The following SAMD4A variants were observed in gnomAD, a reference collection of about 807,000 sequenced individuals.
SAMD4A encodes the protein protein Smaug homolog 1.
A neutral mutation model predicts 81.3 loss-of-function variants in SAMD4A; 33 were observed. The ratio of observed to expected loss-of-function variants is 0.41; its 90% CI spans 0.31 to 0.54. SAMD4A has a LOEUF of 0.54. Ranked by LOEUF, SAMD4A falls within the 20% of genes least tolerant of loss-of-function variation. The probability of loss-of-function intolerance (pLI) is 0.37; values close to 1 mark genes in which losing one functional copy is unlikely to be tolerated. For missense variants in SAMD4A, 854 were observed against 951.1 expected, an observed-to-expected ratio of 0.90 and a Z score of 1.34; for synonymous variants, 389 against 382.1, an observed-to-expected ratio of 1.02 and a Z score of -0.21.
intron 11 of SAMD4A, among the ~76,000 whole-genome samples, chr14:54,778,227 C>A (rs1298500240): frequency 6.6e-6 from 1 of 152,166 alleles, no homozygotes; most frequent in Non-Finnish European, 1.5e-5. Flanking sequence ...CTGAATCTTC[C>A]CTGAGCTTTC....
At chr14:54,603,755 T>TA (rs201248388) in intron 2 of SAMD4A, among the ~76,000 whole-genome samples, 18,618 of 145,176 alleles carry the variant, frequency 0.13, 1,443 homozygotes, top group African/African-American at 0.22. Context: ...GCCTTTTCTT[T>TA]AAAAAAAAAA....
intron 4 of SAMD4A, among the ~76,000 whole-genome samples, chr14:54,744,016 C>T (rs2037907333): frequency 6.6e-6 from 1 of 152,204 alleles, no homozygotes; most frequent in African/African-American, 2.4e-5. Flanking sequence ...TTCTCCCCCT[C>T]AGAGATCAAG....
intron 2 of SAMD4A, among the ~76,000 whole-genome samples, chr14:54,644,026 G>A (rs911731015): frequency 6.6e-6 from 1 of 152,194 alleles, no homozygotes; most frequent in Admixed American, 6.5e-5. Context: ...AGCAGTCAAA[G>A]GTCATTTGGG....
intron 2 of SAMD4A, among the ~76,000 whole-genome samples, chr14:54,582,100 A>G (rs2033484961): frequency 6.6e-6 from 1 of 152,186 alleles, no homozygotes; most frequent in Non-Finnish European, 1.5e-5. Flanking sequence ...AAATATTGAA[A>G]TTCTGAGCTA....
At chr14:54,738,499 G>A (rs2037756173) in intron 4 of SAMD4A, among the ~76,000 whole-genome samples, 1 of 152,178 alleles carries the variant, frequency 6.6e-6, no homozygotes, top group Non-Finnish European at 1.5e-5. Flanking sequence ...CCAGAGTGAG[G>A]GGATGTGTCT....
Position 54,760,060 on chromosome 14 carries a change from C to T in SAMD4A, c.1177-101C>T, listed in dbSNP as rs569104768. On this transcript the variant is annotated intron_variant, in intron 6 of 12. Transcript: ENST00000554335. ...AACGTCCTGATGAGGGTACCAGCAG[C>T]CACGAATCCTGTAAGAGCTCAGGGC... 2.1e-5 allele frequency: 26 copies of T among 1,234,396 alleles called. No individual in the cohort carries two copies. In the Admixed American group the frequency reaches 6.4e-4, roughly 30 times the overall value. The allele number at this position is 1,234,396 out of a possible 1,614,324, so 76.5% of individuals were successfully genotyped here.
intron 2 of SAMD4A, among the ~76,000 whole-genome samples, chr14:54,597,367 C>T (rs1337278326): frequency 5.9e-5 from 9 of 151,834 alleles, no homozygotes; most frequent in Non-Finnish European, 1.2e-4. Context: ...CTCTGCCTCC[C>T]GGGTTCAAGT....
chr14:54,779,678 C>CTTT (rs11306028), intron 11 of SAMD4A, among the ~76,000 whole-genome samples: 1 of 139,332 alleles, frequency 7.2e-6, no homozygotes, highest in Non-Finnish European at 1.5e-5. Context: ...CATGGACAAG[C>CTTT]TTTTTTTTTT....
At chr14:54,777,636 C>T (rs752394578) in intron 11 of SAMD4A, among the ~76,000 whole-genome samples, 6 of 150,934 alleles carry the variant, frequency 4.0e-5, no homozygotes, top group Non-Finnish European at 7.4e-5. Context: ...TGGGGGATTC[C>T]GAGTAGAAGT....
chr14:54,691,694 G>C (rs564616585), intron 2 of SAMD4A, among the ~76,000 whole-genome samples: 1 of 152,228 alleles, frequency 6.6e-6, no homozygotes, highest in Admixed American at 6.5e-5. Context: ...GAAATTCCCA[G>C]CATTGGCTGG....
At chr14:54,641,513 C>T (rs1394836796) in intron 2 of SAMD4A, among the ~76,000 whole-genome samples, 1 of 152,198 alleles carries the variant, frequency 6.6e-6, no homozygotes, top group Non-Finnish European at 1.5e-5. Flanking sequence ...CGTGCGTTCA[C>T]TACATTAAAG....
chr14:54,651,560 TAA>T (rs2035404018), intron 2 of SAMD4A, among the ~76,000 whole-genome samples: 1 of 152,226 alleles, frequency 6.6e-6, no homozygotes, highest in African/African-American at 2.4e-5. Context: ...TTAAACATAT[TAA>T]AGAGTTAATT....
chr14:54,731,325 AT>A (rs2037554020), intron 3 of SAMD4A, among the ~76,000 whole-genome samples: 1 of 152,196 alleles, frequency 6.6e-6, no homozygotes, highest in Non-Finnish European at 1.5e-5. Context: ...ATACTTCTGA[AT>A]TTCTTTGGGG....
intron 2 of SAMD4A, chr14:54,652,798 C>G (rs1157029168): frequency 6.6e-6 from 1 of 152,180 alleles, no homozygotes; most frequent in Non-Finnish European, 1.5e-5. Context: ...TCGGACTCTT[C>G]ATGGAGACAC....
chr14:54,700,101 T>A (rs1270877461), intron 2 of SAMD4A, among the ~76,000 whole-genome samples: 3 of 152,236 alleles, frequency 2.0e-5, no homozygotes, highest in East Asian at 3.8e-4. Flanking sequence ...TTTTGTTTTT[T>A]AAAACTTGGC....
chr14:54,574,583 A>G (rs2033231798), intron 2 of SAMD4A, among the ~76,000 whole-genome samples: 1 of 152,190 alleles, frequency 6.6e-6, no homozygotes, highest in Non-Finnish European at 1.5e-5. Flanking sequence ...TGGAGAATCA[A>G]TCCCAACACT....
intron 5 of SAMD4A, among the ~76,000 whole-genome samples, chr14:54,749,401 C>G (rs2038044186): frequency 2.6e-5 from 4 of 152,338 alleles, no homozygotes; most frequent in Admixed American, 2.6e-4. Context: ...TCTAACTGGA[C>G]TGCTGAGTAG....
rs988597726 is a variant in SAMD4A at position 54,569,483 on chromosome 14, T to C, written c.196+1371T>C. On this transcript the variant is annotated intron_variant, in intron 2 of 12. Transcript: ENST00000554335. ...GAGGGCCACATTGAGGGAGATTCCATTGAGCCCGAGCCTCCCAGCTCACAC... is the reference window on the plus strand; with the variant it reads ...GAGGGCCACATTGAGGGAGATTCCACTGAGCCCGAGCCTCCCAGCTCACAC... 5.3e-5 allele frequency among the ~76,000 whole-genome samples: 8 copies of C among 152,148 alleles called. 1 individual carries two copies. The highest frequency in any genetic ancestry group is 4.1e-4 in the South Asian group (2 of 4,828).
intron 3 of SAMD4A, among the ~76,000 whole-genome samples, chr14:54,714,467 G>A (rs945813138): frequency 6.6e-6 from 1 of 152,118 alleles, no homozygotes; most frequent in African/African-American, 2.4e-5. Flanking sequence ...AGTACAACTG[G>A]CATAAACAGG....
Sources: gnomAD v4.1 joint callset for allele counts (sites outside exome capture counted in the v4.1 genomes callset) on GRCh38, gnomAD v4.1.1 for gene constraint, MANE v1.5 for transcripts, NCBI Gene and HGNC (gene_info 2026-07-23, HGNC 2026-07-21) for gene names.